Variants in DGUOK observed in about 807,000 individuals in gnomAD.
DGUOK encodes the protein deoxyguanosine kinase, mitochondrial.
A neutral mutation model predicts 36.6 loss-of-function variants in DGUOK; 30 were observed. The ratio of observed to expected loss-of-function variants is 0.82; its 90% CI spans 0.61 to 1.11. DGUOK has a LOEUF of 1.11. Ranked by LOEUF, DGUOK falls within the 50% of genes most tolerant of loss-of-function variation. The pLI, the probability that DGUOK is intolerant of heterozygous loss-of-function variation, is 0.00. For missense variants in DGUOK, 361 were observed against 336.4 expected (o/e 1.07, Z -0.57); for synonymous variants, 145 against 126.3 (o/e 1.15, Z -0.99).
At chr2:73,934,573 C>T (rs78160121) in intron 1 of DGUOK, among the ~76,000 whole-genome samples, 3 of 151,822 alleles carry the variant, frequency 2.0e-5, no homozygotes, top group African/African-American at 4.8e-5. Flanking sequence ...GCCAACATGG[C>T]GAAACCCTGT....
Position 73,938,930 on chromosome 2 carries a change from G to C in DGUOK, c.163G>C (p.Val55Leu). 1 of 1,613,758 alleles carries C rather than the reference G, an allele frequency of 6.2e-7. No homozygotes were observed. The highest frequency in any genetic ancestry group is 8.5e-7 in the Non-Finnish European group (1 of 1,179,692). The change falls in exon 2 of 7, where the codon GTG (valine) becomes CTG (leucine). Residue 55 changes from valine to leucine, a missense_variant. Transcript: ENST00000264093. ...GNIAVGKSTF[V>L]KLLTKTYPEW... ...TGCAGCTGTGGGAAAGTCCACGTTT[G>C]TGAAGTTACTCACGAAAACTTACCC...
intron 4 of DGUOK, among the ~76,000 whole-genome samples, chr2:73,955,182 A>C (rs1248783872): frequency 2.6e-5 from 4 of 152,364 alleles, no homozygotes; most frequent in African/African-American, 7.2e-5. Context: ...CAAGCAGTGA[A>C]TGAATAATTA....
At chr2:73,945,464 C>G (rs1222740693) in intron 2 of DGUOK, among the ~76,000 whole-genome samples, 1 of 152,136 alleles carries the variant, frequency 6.6e-6, no homozygotes, top group Non-Finnish European at 1.5e-5. Flanking sequence ...CGCCATGAAA[C>G]CTTGCACAAG....
intron 3 of DGUOK, among the ~76,000 whole-genome samples, chr2:73,950,368 C>G (rs1374618539): frequency 6.6e-6 from 1 of 152,198 alleles, no homozygotes; most frequent in African/African-American, 2.4e-5. Flanking sequence ...CCTCCAAAGT[C>G]TAGATCCTAT....
At chr2:73,936,756 A>G (rs1681494264) in intron 1 of DGUOK, among the ~76,000 whole-genome samples, 1 of 152,186 alleles carries the variant, frequency 6.6e-6, no homozygotes, top group African/African-American at 2.4e-5. Context: ...TCATTCAGCT[A>G]GGTCATTAGG....
chr2:73,958,031 G>C, intron 5 of DGUOK, 115 bp from the exon 6 acceptor site: 1 of 817,592 alleles, frequency 1.2e-6, no homozygotes, highest in South Asian at 1.5e-5. Flanking sequence ...CAGTTTCTTT[G>C]AAAAGTCATG....
chr2:73,938,861 T>C (rs1389373303), intron 1 of DGUOK, 49 bp from the exon 2 acceptor site: 1 of 1,296,392 alleles, frequency 7.7e-7, no homozygotes. Flanking sequence ...AGCCTTCTCC[T>C]TCAGCCCTGA....
rs1680638357 is a variant in DGUOK, at chr2:73,926,967, C to G, written c.57C>G (p.Ala19=). The change falls in exon 1 of 7, where the codon GCC becomes GCG. Residue 19 remains alanine (A), a synonymous_variant. Transcript: ENST00000264093. ...TTCGAGCACCCTTCAGTTCCATGGC[C>G]AAGAGCCCACTCGAGGGCGTTTCCT... ...SRLRAPFSSM[A]KSPLEGVSSS... is the part of the protein sequence containing the mutation. 6.2e-7 allele frequency: 1 copy of G among 1,613,194 alleles called. No homozygotes were observed. The highest frequency in any genetic ancestry group is 8.5e-7 in the Non-Finnish European group (1 of 1,180,040).
intron 1 of DGUOK, among the ~76,000 whole-genome samples, chr2:73,937,127 G>A (rs981754185): frequency 1.3e-5 from 2 of 152,200 alleles, no homozygotes; most frequent in African/African-American, 4.8e-5. Flanking sequence ...AGATCTTCTT[G>A]TGTCTTGCAG....
intron 2 of DGUOK, among the ~76,000 whole-genome samples, chr2:73,943,849 G>A (rs1682090332): frequency 6.6e-6 from 1 of 152,080 alleles, no homozygotes; most frequent in Admixed American, 6.5e-5. Context: ...CTTTCACCAT[G>A]TTGGCCAGAC....
At chr2:73,933,589 G>A (rs1246377983) in intron 1 of DGUOK, among the ~76,000 whole-genome samples, 1 of 152,046 alleles carries the variant, frequency 6.6e-6, no homozygotes, top group Non-Finnish European at 1.5e-5. Context: ...TCATAGGAAG[G>A]TGTGAGAAAA....
At chr2:73,935,496 T>G (rs189198405) in intron 1 of DGUOK, among the ~76,000 whole-genome samples, 251 of 152,300 alleles carry the variant, frequency 1.6e-3, no homozygotes, top group African/African-American at 5.9e-3. Context: ...AAATCTATGA[T>G]GATCAGGTAT....
intron 1 of DGUOK, among the ~76,000 whole-genome samples, chr2:73,929,001 G>A (rs938585698): frequency 1.3e-5 from 2 of 152,196 alleles, no homozygotes; most frequent in African/African-American, 4.8e-5. Flanking sequence ...GTTGAATGCA[G>A]AGTGTAAGGT....
chr2:73,935,004 A>T (rs1681349936), intron 1 of DGUOK, among the ~76,000 whole-genome samples: 1 of 152,046 alleles, frequency 6.6e-6, no homozygotes, highest in African/African-American at 2.4e-5. Context: ...TGAACCCAGG[A>T]AACAGAGGTT....
At chr2:73,934,529 G>A (rs1381947713) in intron 1 of DGUOK, among the ~76,000 whole-genome samples, 1 of 152,140 alleles carries the variant, frequency 6.6e-6, no homozygotes, top group Non-Finnish European at 1.5e-5. Context: ...GAGGCGGGCA[G>A]ATCACCTGAG....
rs139317647 is a variant in DGUOK at position 73,941,677 on chromosome 2, A to G, written c.255+2655A>G. ...CTCTATTTTGAATGTTTAGTTTTCT[A>G]ATTTCTTCCTATTATAAGCAGTGTT... On this transcript the variant is annotated intron_variant, in intron 2 of 6. Transcript: ENST00000264093. Among the ~76,000 whole-genome samples the G allele has an allele frequency of 5.1e-4, 77 of 152,216 alleles. 1 individual carries two copies. The highest frequency in any genetic ancestry group is 1.8e-3 in the African/African-American group (74 of 41,530).
At chr2:73,957,763 C>T (rs1358980641) in intron 5 of DGUOK, among the ~76,000 whole-genome samples, 5 of 152,192 alleles carry the variant, frequency 3.3e-5, no homozygotes, top group Admixed American at 6.5e-5. Flanking sequence ...CTTAACATTT[C>T]CCTAGACTGA....
Position 73,939,042 on chromosome 2 carries a change from G to A in DGUOK, c.255+20G>A, listed in dbSNP as rs1403008194. 1 of 1,522,518 alleles carries A rather than the reference G, an allele frequency of 6.6e-7. No individual in the cohort carries two copies. Among genetic ancestry groups the A allele is most frequent in the South Asian group, 1.1e-5 (1 of 89,258 alleles). The allele number at this position is 1,522,518 out of a possible 1,614,324, so 94.3% of individuals were successfully genotyped here. A position where few individuals can be genotyped will look rare whatever the true frequency, so the allele number is the denominator to read the frequency against. On this transcript the variant is annotated intron_variant, in intron 2 of 6. Transcript: ENST00000264093. ...CAAAAAGTAAGTTTTTAGTTGTGGT[G>A]GGTAGTTGGCAGGCATGGGTGAATA...
intron 2 of DGUOK, among the ~76,000 whole-genome samples, chr2:73,941,413 A>G (rs1681894161): frequency 6.6e-6 from 1 of 152,238 alleles, no homozygotes; most frequent in Admixed American, 6.5e-5. Flanking sequence ...ATAGATAACT[A>G]ATCATCCTGT....
Sources: gnomAD v4.1 joint callset for allele counts (sites outside exome capture counted in the v4.1 genomes callset) on GRCh38, gnomAD v4.1.1 for gene constraint, MANE v1.5 for transcripts, NCBI Gene and HGNC (gene_info 2026-07-23, HGNC 2026-07-21) for gene names.